The following LRP1B variants were observed in gnomAD, a reference collection of about 807,000 sequenced individuals.
LRP1B encodes the protein LDL receptor related protein 1B, also known as low-density lipoprotein receptor-related protein 1B.
LRP1B carries 217 observed loss-of-function variants against 556.6 expected under a neutral mutation model. That is an observed-to-expected ratio of 0.39 (90% CI 0.35 to 0.44). The LOEUF (loss-of-function observed/expected upper bound fraction) is 0.44, where lower values mean the gene tolerates loss of function less well. Ranked by LOEUF, LRP1B falls within the 20% of genes least tolerant of loss-of-function variation. The pLI, the probability that LRP1B is intolerant of heterozygous loss-of-function variation, is 1.00. For synonymous variants in LRP1B, 2,047 were observed against 1,865.8 expected (o/e 1.10, Z -2.50); for missense variants, 5,053 against 5,620.8 (o/e 0.90, Z 3.23).
At chr2:140,858,632 A>G (rs1013245555) in intron 27 of LRP1B, among the ~76,000 whole-genome samples, 3 of 152,078 alleles carry the variant, frequency 2.0e-5, no homozygotes, top group Non-Finnish European at 4.4e-5. Flanking sequence ...GGTTTGTTAC[A>G]TAGGTAAACA....
At chr2:141,933,116 C>A (rs893022947) in intron 1 of LRP1B, among the ~76,000 whole-genome samples, 1 of 151,668 alleles carries the variant, frequency 6.6e-6, no homozygotes, top group Admixed American at 6.6e-5. Flanking sequence ...TTTTTAAAAT[C>A]TAAATAATCT....
At chr2:140,334,593 G>A (rs754697558) in intron 78 of LRP1B, 34 bp from the exon 79 acceptor site, 1 of 1,225,820 alleles carries the variant, frequency 8.2e-7, no homozygotes, top group East Asian at 2.6e-5. Context: ...TTAGCCTGGT[G>A]ATGGTGCTGC....
intron 2 of LRP1B, among the ~76,000 whole-genome samples, chr2:141,572,620 A>G (rs919735733): frequency 3.9e-5 from 6 of 152,222 alleles, no homozygotes; most frequent in Non-Finnish European, 1.5e-5. Context: ...ACTCCAGTTA[A>G]AAGACACAGA....
intron 1 of LRP1B, among the ~76,000 whole-genome samples, chr2:142,081,196 G>T (rs1418864688): frequency 6.6e-6 from 1 of 151,982 alleles, no homozygotes; most frequent in South Asian, 2.1e-4. Flanking sequence ...ATTCAATAAG[G>T]CCTGAGAAAT....
chr2:141,455,255 A>G (rs1452852645), intron 3 of LRP1B, among the ~76,000 whole-genome samples: 1 of 151,962 alleles, frequency 6.6e-6, no homozygotes, highest in Non-Finnish European at 1.5e-5. Flanking sequence ...CATTAAAAAA[A>G]AAAAAGGAAC....
intron 41 of LRP1B, among the ~76,000 whole-genome samples, chr2:140,687,932 A>T (rs1005726374): frequency 6.6e-6 from 1 of 152,134 alleles, no homozygotes; most frequent in African/African-American, 2.4e-5. Context: ...CCAGCCCCTC[A>T]AAGATCTATT....
chr2:141,092,244 T>A (rs1275123453), intron 7 of LRP1B, among the ~76,000 whole-genome samples: 2 of 152,192 alleles, frequency 1.3e-5, no homozygotes, highest in African/African-American at 4.8e-5. Context: ...CAAAGAGTTA[T>A]AGGTAATGAG....
intron 41 of LRP1B, among the ~76,000 whole-genome samples, chr2:140,633,902 G>C (rs1196735866): frequency 6.6e-6 from 1 of 152,150 alleles, no homozygotes; most frequent in Non-Finnish European, 1.5e-5. Context: ...TTTATACAAC[G>C]TCTTCCAGAA....
chr2:140,369,941 T>C (rs1682920571), intron 71 of LRP1B, among the ~76,000 whole-genome samples: 1 of 151,962 alleles, frequency 6.6e-6, no homozygotes. Context: ...TTGAGAGACT[T>C]TGTAAGTAGG....
intron 7 of LRP1B, among the ~76,000 whole-genome samples, chr2:141,188,203 C>A (rs751312757): frequency 6.6e-6 from 1 of 151,976 alleles, no homozygotes; most frequent in Non-Finnish European, 1.5e-5. Flanking sequence ...TTATTTGTGT[C>A]TTACATTAGA....
At chr2:140,306,201 T>C (rs1326900358) in intron 83 of LRP1B, among the ~76,000 whole-genome samples, 1 of 151,624 alleles carries the variant, frequency 6.6e-6, no homozygotes, top group East Asian at 1.9e-4. Context: ...TCTTTTTCTA[T>C]TGATTGGAAT....
At chr2:141,052,705 TCAGC>T (rs1289524780) in intron 10 of LRP1B, among the ~76,000 whole-genome samples, 2 of 152,030 alleles carry the variant, frequency 1.3e-5, no homozygotes, top group Non-Finnish European at 1.5e-5. Flanking sequence ...TGCTAATATC[TCAGC>T]TTATTGCAAC....
At chr2:140,994,790 A>G (rs536853638) in intron 15 of LRP1B, among the ~76,000 whole-genome samples, 7 of 152,074 alleles carry the variant, frequency 4.6e-5, no homozygotes, top group Non-Finnish European at 7.4e-5. Flanking sequence ...TGTGATACTC[A>G]TAAAGTTTAC....
At chr2:141,740,655 T>C (rs564538845) in intron 2 of LRP1B, among the ~76,000 whole-genome samples, 5 of 152,304 alleles carry the variant, frequency 3.3e-5, no homozygotes, top group South Asian at 2.1e-4. Context: ...ATAGTCGCCC[T>C]GTTCTGCTAC....
chr2:141,538,728 C>A (rs1162128750), intron 2 of LRP1B, among the ~76,000 whole-genome samples: 2 of 152,022 alleles, frequency 1.3e-5, no homozygotes, highest in East Asian at 3.9e-4. Context: ...TAACCTCCAC[C>A]TCCCGATTCA....
At chr2:140,791,710 A>C (rs1177322945) in intron 32 of LRP1B, among the ~76,000 whole-genome samples, 1 of 152,196 alleles carries the variant, frequency 6.6e-6, no homozygotes, top group Non-Finnish European at 1.5e-5. Flanking sequence ...AGAACCAACT[A>C]TTCATAATTT....
chr2:141,828,218 T>C (rs1374380173), intron 1 of LRP1B, among the ~76,000 whole-genome samples: 1 of 152,192 alleles, frequency 6.6e-6, no homozygotes, highest in Non-Finnish European at 1.5e-5. Flanking sequence ...AATATTATTG[T>C]GTATCTTAGA....
intron 3 of LRP1B, among the ~76,000 whole-genome samples, chr2:141,436,924 G>A (rs1348342255): frequency 6.6e-6 from 1 of 152,146 alleles, no homozygotes; most frequent in Non-Finnish European, 1.5e-5. Context: ...CCTTTTGGAT[G>A]AGAATAATAT....
intron 3 of LRP1B, among the ~76,000 whole-genome samples, chr2:141,472,970 C>T (rs4416160): frequency 0.44 from 66,706 of 151,732 alleles, 14,949 homozygotes; most frequent in Non-Finnish European, 0.49. Flanking sequence ...CTATTTTAGA[C>T]TACCTTTTGA....
Sources: allele counts gnomAD v4.1 joint callset (sites outside exome capture counted in the v4.1 genomes callset), GRCh38; gene constraint gnomAD v4.1.1; transcripts MANE v1.5; gene names NCBI Gene and HGNC (gene_info 2026-07-23, HGNC 2026-07-21).